The following GLIS2 variants were observed in gnomAD, a reference collection of about 807,000 sequenced individuals.
GLIS2 encodes the protein zinc finger protein GLIS2.
In GLIS2, 14 loss-of-function variants were observed where a neutral mutation model predicts 35.6. The observed-to-expected ratio is 0.39, with a 90% CI of 0.26 to 0.61. The LOEUF (loss-of-function observed/expected upper bound fraction) is 0.61, where lower values mean the gene tolerates loss of function less well. GLIS2 is among the 20% of genes least tolerant of loss of function. The probability of loss-of-function intolerance (pLI) is 0.48; values close to 1 mark genes in which losing one functional copy is unlikely to be tolerated. For missense variants in GLIS2, 675 were observed against 713.4 expected, an observed-to-expected ratio of 0.95 and a Z score of 0.61; for synonymous variants, 368 against 325.1, an observed-to-expected ratio of 1.13 and a Z score of -1.42.
At chr16:4,317,676 C>A (rs1256401628) in intron 1 of GLIS2, among the ~76,000 whole-genome samples, 1 of 151,986 alleles carries the variant, frequency 6.6e-6, no homozygotes, top group Non-Finnish European at 1.5e-5. Context: ...AGGGGCTGCA[C>A]CTGGGAGGCC....
intron 1 of GLIS2, among the ~76,000 whole-genome samples, 194 bp downstream of exon 1, chr16:4,316,448 G>C (rs528923090): frequency 1.3e-5 from 2 of 151,412 alleles, no homozygotes; most frequent in East Asian, 2.0e-4. Context: ...TCCCTCGCCG[G>C]CTCCCCGGCC....
chr16:4,332,518 C>G lies in GLIS2; in HGVS notation c.172+66C>G. 1 of 1,553,088 alleles carries G rather than the reference C, an allele frequency of 6.4e-7. No homozygotes were observed. Among genetic ancestry groups the G allele is most frequent in the Non-Finnish European group, 8.7e-7 (1 of 1,143,928 alleles). On this transcript the variant is annotated intron_variant, in intron 2 of 6. Transcript: ENST00000433375. This position sits in a 1 kb window ranked among gnomAD's most constrained non-coding sequence, Gnocchi z 5.4. Reference sequence around the variant, plus strand: ...CAGTCATGGTGACAGGGAGAATGGCCAAGTGTGTCCACCAGCATGTAGCTG... The same window carrying G: ...CAGTCATGGTGACAGGGAGAATGGCGAAGTGTGTCCACCAGCATGTAGCTG...
In GLIS2 at chr16:4,337,163, C is replaced by T. The variant is rs1390931620; in HGVS notation, c.1214C>T (p.Pro405Leu). The T allele has an allele frequency of 9.1e-6, 14 of 1,540,816 alleles. No homozygotes were observed. The highest frequency in any genetic ancestry group is 1.2e-5 in the Non-Finnish European group (14 of 1,146,824). The stretch of plus-strand genomic sequence containing the variant: ...GGCATGGGCCCTGGGCTGCCAGGCC[C>T]CGTCCTGCCTCTCAATCTGGCCAAG... ...GGGMGPGLPG[P>L]VLPLNLAKNP... The change falls in exon 7 of 7, where the codon CCC becomes CTC. Residue 405 changes from proline (P) to leucine (L), a missense_variant. Physicochemically the swap from Pro to Leu is moderately conservative, Grantham distance 98. Coordinates refer to ENST00000433375, the MANE Select transcript of GLIS2 (RefSeq NM_032575.3).
In GLIS2 at chr16:4,335,823, C is replaced by T. The variant is rs1270598446; in HGVS notation, c.775+430C>T. 4.4e-6 allele frequency: 1 copy of T among 226,868 alleles called. No individual in the cohort carries two copies. Among genetic ancestry groups the T allele is most frequent in the Non-Finnish European group, 8.9e-6 (1 of 112,972 alleles). The allele number at this position is 226,868 out of a possible 1,614,324, so 14.1% of individuals were successfully genotyped here. A position where few individuals can be genotyped will look rare whatever the true frequency, so the allele number is the denominator to read the frequency against. ...ATTAATTGTAATATGGTTCGTTGAC[C>T]CCGGTACATCCAACGTGTTATCAAT... On this transcript the variant is annotated intron_variant, in intron 6 of 6. Transcript: ENST00000433375. The surrounding 1 kb of genome is among the most constrained non-coding windows in gnomAD (Gnocchi z 4.6).
intron 1 of GLIS2, among the ~76,000 whole-genome samples, chr16:4,323,086 G>A (rs2053395090): frequency 6.6e-6 from 1 of 152,232 alleles, no homozygotes; most frequent in Non-Finnish European, 1.5e-5. Context: ...GGTGCTGTGG[G>A]TGCCTGCTCA....
intron 1 of GLIS2, among the ~76,000 whole-genome samples, chr16:4,321,470 G>A (rs186960978): frequency 1.5e-3 from 235 of 152,330 alleles, no homozygotes; most frequent in African/African-American, 5.1e-3. Context: ...GGACTCATTC[G>A]CGGAGTGCCA....
At position 4,333,413 on chromosome 16, in the gene GLIS2, A is replaced by C; in HGVS notation, c.239A>C (p.Asp80Ala). The C allele has an allele frequency of 6.2e-7, 1 of 1,612,586 alleles. No individual in the cohort carries two copies. Among genetic ancestry groups the C allele is most frequent in the Non-Finnish European group, 8.5e-7 (1 of 1,179,878 alleles). Residue 80 changes from aspartate to alanine, a missense_variant, in exon 3 of 7, where the codon GAC becomes GCC. This residue lies in a region of GLIS2 where 225 missense variants were observed against 238.7 expected (regional missense o/e 0.94). Coordinates refer to ENST00000433375, the MANE Select transcript of GLIS2 (RefSeq NM_032575.3). Reference sequence around the variant, plus strand: ...CGCTTTTCAGCAGCCCCTCTCGTGGACCTCAGCCTGTCACCACCATCTGGG... The same window carrying C: ...CGCTTTTCAGCAGCCCCTCTCGTGGCCCTCAGCCTGTCACCACCATCTGGG... ...EGRFSAAPLV[D>A]LSLSPPSGLD...
chr16:4,323,172 C>T (rs981441504), intron 1 of GLIS2, among the ~76,000 whole-genome samples: 1 of 152,138 alleles, frequency 6.6e-6, no homozygotes, highest in African/African-American at 2.4e-5. Flanking sequence ...ATGGCAGTGC[C>T]GCCTGGCAGG....
At chr16:4,328,041 C>T (rs533485181) in intron 1 of GLIS2, among the ~76,000 whole-genome samples, 1 of 152,308 alleles carries the variant, frequency 6.6e-6, no homozygotes, top group Admixed American at 6.5e-5. Flanking sequence ...AACTGAGGAA[C>T]GGAAGGCTCC....
At chr16:4,328,830 TCCC>T (rs1234713192) in intron 1 of GLIS2, among the ~76,000 whole-genome samples, 3 of 152,068 alleles carry the variant, frequency 2.0e-5, no homozygotes, top group African/African-American at 7.2e-5. Flanking sequence ...GGCCCCTGGC[TCCC>T]CGAGTCCCCA....
At chr16:4,326,888 G>T (rs1358937774) in intron 1 of GLIS2, among the ~76,000 whole-genome samples, 1 of 151,770 alleles carries the variant, frequency 6.6e-6, no homozygotes, top group Non-Finnish European at 1.5e-5. Flanking sequence ...AGCCTCCCGG[G>T]TAGCTGGAAT....
intron 3 of GLIS2, among the ~76,000 whole-genome samples, chr16:4,334,484 C>T (rs1038581459): frequency 9.2e-5 from 14 of 152,024 alleles, no homozygotes; most frequent in African/African-American, 2.9e-4. Context: ...GTGATCCGCC[C>T]ACCTCAGCCT....
Position 4,332,553 on chromosome 16 carries a change from T to C in GLIS2, c.172+101T>C. ...CACCAGCATGTAGCTGCAGCCCCTC[T>C]CGGCTTCCGGTTCATGGGAAGCCCG... On this transcript the variant is annotated intron_variant, in intron 2 of 6. Transcript: ENST00000433375. This position sits in a 1 kb window ranked among gnomAD's most constrained non-coding sequence, Gnocchi z 5.4. 3 of 1,384,996 alleles carry C rather than the reference T, an allele frequency of 2.2e-6. No homozygotes were observed. Among genetic ancestry groups the C allele is most frequent in the Non-Finnish European group, 3.0e-6 (3 of 1,008,996 alleles). 85.8% of individuals were successfully genotyped at this position (1,384,996 alleles called of 1,614,324 possible).
intron 1 of GLIS2, chr16:4,329,132 G>A (rs1289357642): frequency 2.0e-5 from 3 of 152,232 alleles, no homozygotes; most frequent in Non-Finnish European, 4.4e-5. Flanking sequence ...GAGGAGCTTC[G>A]GGGAGGCTGG....
At chr16:4,321,707 G>C (rs2053381700) in intron 1 of GLIS2, among the ~76,000 whole-genome samples, 1 of 152,064 alleles carries the variant, frequency 6.6e-6, no homozygotes, top group South Asian at 2.1e-4. Context: ...CTGCTGGTGA[G>C]GCCTTCTCTT....
Position 4,332,579 on chromosome 16 carries a change from C to A in GLIS2, c.172+127C>A. On this transcript the variant is annotated intron_variant, in intron 2 of 6. Transcript: ENST00000433375. The surrounding 1 kb of genome is among the most constrained non-coding windows in gnomAD (Gnocchi z 5.4). Reference sequence around the variant, plus strand: ...CGGCTTCCGGTTCATGGGAAGCCCGCACGCTTGTCCTTCCATCCGCCCAGC... The same window carrying A: ...CGGCTTCCGGTTCATGGGAAGCCCGAACGCTTGTCCTTCCATCCGCCCAGC... 9.2e-7 allele frequency: 1 copy of A among 1,089,882 alleles called. No individual in the cohort carries two copies. The allele number at this position is 1,089,882 out of a possible 1,614,324, so 67.5% of individuals were successfully genotyped here.
intron 3 of GLIS2, 123 bp from the exon 4 acceptor site, chr16:4,334,678 G>A (rs1482025468): frequency 2.1e-5 from 24 of 1,145,314 alleles, no homozygotes; most frequent in Non-Finnish European, 3.1e-5. Context: ...CACATGCACA[G>A]GTAGGGGCTG....
Position 4,335,011 on chromosome 16 carries a change from T to A in GLIS2, c.522+34T>A. 1 of 1,613,254 alleles carries A rather than the reference T, an allele frequency of 6.2e-7. No homozygotes were observed. The highest frequency in any genetic ancestry group is 8.5e-7 in the Non-Finnish European group (1 of 1,180,020). ...GGGCCAGCAAGAGTAGTGTGGAGTC[T>A]GGGGCAGGTCACCCCGCATGGGCTC... On this transcript the variant is annotated intron_variant, in intron 4 of 6. Transcript: ENST00000433375. The surrounding 1 kb of genome is among the most constrained non-coding windows in gnomAD (Gnocchi z 4.6).
chr16:4,322,357 C>G (rs1035404537), intron 1 of GLIS2, among the ~76,000 whole-genome samples: 1 of 152,206 alleles, frequency 6.6e-6, no homozygotes, highest in African/African-American at 2.4e-5. Flanking sequence ...TCAGCCGGGC[C>G]ATAGCCTCTG....
Sources: gnomAD v4.1 joint callset for allele counts (sites outside exome capture counted in the v4.1 genomes callset) on GRCh38, gnomAD v4.1.1 for gene constraint, gnomAD v4.1.1 regional missense constraint, Gnocchi (gnomAD v3.1) non-coding constraint, MANE v1.5 for transcripts, NCBI Gene and HGNC (gene_info 2026-07-23, HGNC 2026-07-21) for gene names.